The following ADAMTSL1 variants were observed in gnomAD, a reference collection of about 807,000 sequenced individuals.
The protein encoded by ADAMTSL1 is ADAMTS like 1, also known as ADAMTS-like protein 1.
Under a neutral mutation model 201.8 loss-of-function variants are expected in ADAMTSL1, and 126 were observed. That is an observed-to-expected ratio of 0.62 (90% confidence interval 0.54 to 0.72). ADAMTSL1 has a LOEUF of 0.72. Ranked by LOEUF, ADAMTSL1 falls within the 30% of genes least tolerant of loss-of-function variation. The pLI is 0.00. For synonymous variants in ADAMTSL1, 1,121 were observed against 903.4 expected (o/e 1.24, Z -4.32); for missense variants, 2,679 against 2,277.8 (o/e 1.18, Z -3.59).
At chr9:18,408,801 A>C (rs1818309395) in intron 2 of ADAMTSL1, among the ~76,000 whole-genome samples, 1 of 152,230 alleles carries the variant, frequency 6.6e-6, no homozygotes, top group Non-Finnish European at 1.5e-5. Context: ...GTTGTCAGGC[A>C]GTCAAGCATA....
intron 2 of ADAMTSL1, among the ~76,000 whole-genome samples, chr9:18,257,171 C>G (rs2132517320): frequency 6.6e-6 from 1 of 152,238 alleles, no homozygotes; most frequent in South Asian, 2.1e-4. Flanking sequence ...TGGTGATCAT[C>G]ACAACACAAT....
intron 1 of ADAMTSL1, among the ~76,000 whole-genome samples, chr9:17,931,817 C>A (rs2811822): frequency 1 from 152,234 of 152,290 alleles, 76,089 homozygotes; most frequent in Non-Finnish European, 1. Flanking sequence ...AACTCCATCA[C>A]GGGTCAGAGC....
chr9:18,820,145 T>A (rs1326694779), intron 21 of ADAMTSL1, among the ~76,000 whole-genome samples: 1 of 152,200 alleles, frequency 6.6e-6, no homozygotes, highest in Admixed American at 6.5e-5. Flanking sequence ...AGGGACTCCA[T>A]AAGGGCCTGC....
chr9:17,918,337 T>TG (rs1332049176), intron 1 of ADAMTSL1, among the ~76,000 whole-genome samples: 1 of 71,628 alleles, frequency 1.4e-5, no homozygotes, highest in South Asian at 4.1e-4. Flanking sequence ...TTTCTATATG[T>TG]ATTTTTTTTT....
chr9:18,407,073 C>T (rs993230775), intron 2 of ADAMTSL1, among the ~76,000 whole-genome samples: 13 of 152,138 alleles, frequency 8.5e-5, no homozygotes, highest in African/African-American at 3.1e-4. Context: ...AATCAAATCC[C>T]ACCTCTATGG....
At chr9:18,357,573 C>G (rs935387059) in intron 2 of ADAMTSL1, among the ~76,000 whole-genome samples, 1 of 151,804 alleles carries the variant, frequency 6.6e-6, no homozygotes, top group African/African-American at 2.4e-5. Flanking sequence ...TTTTTTTTCA[C>G]TATCTCAAGT....
chr9:18,826,554 T>A, intron 22 of ADAMTSL1, 91 bp downstream of exon 22: 1 of 1,438,180 alleles, frequency 7.0e-7, no homozygotes, highest in Non-Finnish European at 9.4e-7. Context: ...CTAATCCAAT[T>A]AAGGACATAA....
At chr9:18,533,219 A>G (rs867644239) in intron 2 of ADAMTSL1, 28 bp from the exon 3 acceptor site, 9 of 1,592,336 alleles carry the variant, frequency 5.7e-6, no homozygotes, top group Admixed American at 5.1e-5. Flanking sequence ...ATAAGTAGTA[A>G]TATTTCTTTT....
intron 16 of ADAMTSL1, among the ~76,000 whole-genome samples, chr9:18,755,897 C>T (rs1819719069): frequency 6.6e-6 from 1 of 151,338 alleles, no homozygotes; most frequent in South Asian, 2.1e-4. Flanking sequence ...TTAATAGGAC[C>T]TTTAAAAAGT....
intron 1 of ADAMTSL1, among the ~76,000 whole-genome samples, chr9:18,092,444 C>T (rs1044594378): frequency 5.3e-5 from 8 of 152,204 alleles, no homozygotes; most frequent in Admixed American, 5.2e-4. Flanking sequence ...CACACACATA[C>T]ATGTATTTGT....
chr9:18,302,918 T>C (rs1030124295), intron 2 of ADAMTSL1, among the ~76,000 whole-genome samples: 1 of 152,184 alleles, frequency 6.6e-6, no homozygotes, highest in African/African-American at 2.4e-5. Context: ...AAGAGAAAGA[T>C]GTAAGCTAAT....
chr9:18,197,962 C>G (rs966743811), intron 2 of ADAMTSL1, among the ~76,000 whole-genome samples: 1 of 152,040 alleles, frequency 6.6e-6, no homozygotes, highest in Non-Finnish European at 1.5e-5. Context: ...CGCATATCTA[C>G]AACGATCTGA....
At chr9:17,976,470 A>C (rs1288844854) in intron 1 of ADAMTSL1, among the ~76,000 whole-genome samples, 2 of 151,680 alleles carry the variant, frequency 1.3e-5, no homozygotes, top group Non-Finnish European at 2.9e-5. Context: ...CCTAAGTATC[A>C]CATTCTTTTT....
At chr9:18,269,135 C>G (rs1015914629) in intron 2 of ADAMTSL1, among the ~76,000 whole-genome samples, 2 of 151,962 alleles carry the variant, frequency 1.3e-5, no homozygotes, top group Non-Finnish European at 2.9e-5. Flanking sequence ...GATAAATAAT[C>G]CTTATGCTAC....
intron 1 of ADAMTSL1, among the ~76,000 whole-genome samples, chr9:17,972,085 C>T (rs372215406): frequency 2.0e-5 from 3 of 151,808 alleles, no homozygotes; most frequent in East Asian, 3.9e-4. Context: ...TATTCATCAT[C>T]TCACAGTGAC....
At chr9:18,646,228 T>G (rs1827802789) in intron 7 of ADAMTSL1, among the ~76,000 whole-genome samples, 1 of 152,052 alleles carries the variant, frequency 6.6e-6, no homozygotes, top group Non-Finnish European at 1.5e-5. Flanking sequence ...GTGATTTTTG[T>G]ACATTGATTT....
At chr9:18,302,506 C>T (rs1048560226) in intron 2 of ADAMTSL1, among the ~76,000 whole-genome samples, 1 of 152,186 alleles carries the variant, frequency 6.6e-6, no homozygotes, top group Non-Finnish European at 1.5e-5. Flanking sequence ...ATGTGTAGCT[C>T]TTGCCTCTAT....
chr9:18,289,129 A>ATGTC (rs1249945166), intron 2 of ADAMTSL1, among the ~76,000 whole-genome samples: 65 of 120,106 alleles, frequency 5.4e-4, no homozygotes, highest in Admixed American at 2.6e-3. Flanking sequence ...GTGTATATAT[A>ATGTC]TGTCTGTCTA....
rs1353650133 is a variant in ADAMTSL1, at chr9:18,070,302, A to G, written c.88-93560A>G. On this transcript the variant is annotated intron_variant, in intron 1 of 29. Coordinates refer to the ADAMTSL1 transcript ENST00000680146. ...CAGAGGAGCCAGTGCTGGGAAACCC[A>G]TCTGACTTGGTCGACATAGCTAAGA... Among the ~76,000 whole-genome samples the G allele has an allele frequency of 2.0e-5, 3 of 152,320 alleles. No homozygotes were observed. The East Asian group carries it at 5.8e-4, about 29-fold the overall frequency.
Sources: gnomAD v4.1 joint callset for allele counts (sites outside exome capture counted in the v4.1 genomes callset) on GRCh38, gnomAD v4.1.1 for gene constraint, MANE v1.5 for transcripts, NCBI Gene and HGNC (gene_info 2026-07-23, HGNC 2026-07-21) for gene names.